C16orf87: variants seen among roughly 807,000 people sequenced by gnomAD.
C16orf87 encodes HDAC and MIER1 interacting protein 1.
In C16orf87, 13 loss-of-function variants were observed where a neutral mutation model predicts 21.0. That is an observed-to-expected ratio of 0.62 (90% CI 0.40 to 0.98). The LOEUF (loss-of-function observed/expected upper bound fraction) is 0.98. Among genes scored for constraint, C16orf87 ranks in the 50% least tolerant of loss-of-function variants. The pLI is 0.00. For synonymous variants in C16orf87, 49 were observed against 60.2 expected (o/e 0.81, Z 0.86); for missense variants, 113 against 180.4 (o/e 0.63, Z 2.14).
chr16:46,802,931 A>C lies in C16orf87; in HGVS notation c.*21T>G, dbSNP rs1336672144. ...CTGATGTTATCCTGACAGAAGTTTC[A>C]GCAGATTTTGCAAACAAGTATCAGA... On this transcript the variant is annotated 3_prime_UTR_variant, in exon 4 of 4. Coordinates refer to ENST00000285697, the MANE Select transcript of C16orf87 (RefSeq NM_001001436.4). The C allele has an allele frequency of 8.7e-7, 1 of 1,145,776 alleles. No individual in the cohort carries two copies. The highest frequency in any genetic ancestry group is 1.5e-5 in the African/African-American group (1 of 65,598). 71.0% of individuals were successfully genotyped at this position (1,145,776 alleles called of 1,614,324 possible). A position where few individuals can be genotyped will look rare whatever the true frequency, so the allele number is the denominator to read the frequency against.
chr16:46,809,796 G>T lies in C16orf87; in HGVS notation c.164-11C>A. Reference sequence around the variant, plus strand: ...CCTCATGCTTGTTTTCTGTATGGATGAATAAAAGTGATATATTTTAGGGCT... The same window carrying T: ...CCTCATGCTTGTTTTCTGTATGGATTAATAAAAGTGATATATTTTAGGGCT... On this transcript the variant is annotated splice_polypyrimidine_tract_variant and intron_variant, in intron 2 of 3. Coordinates refer to ENST00000285697, the MANE Select transcript of C16orf87 (RefSeq NM_001001436.4). The T allele has an allele frequency of 3.8e-6, 6 of 1,560,800 alleles. No homozygotes were observed. Among genetic ancestry groups the T allele is most frequent in the Non-Finnish European group, 4.4e-6 (5 of 1,141,538 alleles).
chr16:46,826,180 T>TA (rs1959611993), intron 1 of C16orf87, among the ~76,000 whole-genome samples: 1 of 152,182 alleles, frequency 6.6e-6, no homozygotes, highest in Non-Finnish European at 1.5e-5. Context: ...ACTCCAAACT[T>TA]ATAACTGTTT....
Position 46,831,126 on chromosome 16 carries a change from T to A in C16orf87, c.24A>T (p.Lys8Asn). MSATRAKKVKMATKSCPE... is the reference protein window; with the variant it reads MSATRAKNVKMATKSCPE... ...GGCATGATTTGGTGGCCATCTTCACTTTCTTGGCTCGAGTTGCAGACATGC... is the reference window on the plus strand; with the variant it reads ...GGCATGATTTGGTGGCCATCTTCACATTCTTGGCTCGAGTTGCAGACATGC... Residue 8 changes from lysine (K) to asparagine (N), a missense_variant, in exon 1 of 4, where the codon AAA becomes AAT. Physicochemically the swap from Lys to Asn is moderately conservative, Grantham distance 94. Transcript: ENST00000285697. The A allele has an allele frequency of 6.3e-7, 1 of 1,579,456 alleles. No homozygotes were observed. The highest frequency in any genetic ancestry group is 8.6e-7 in the Non-Finnish European group (1 of 1,161,318).
Position 46,803,047 on chromosome 16 carries a change from T to C in C16orf87, c.370A>G (p.Ile124Val). ...TTTTCATCAGACAGGTTAGCATAGATGTCAATTTCCTTTTCCTGTTTCTCT... is the reference window on the plus strand; with the variant it reads ...TTTTCATCAGACAGGTTAGCATAGACGTCAATTTCCTTTTCCTGTTTCTCT... ...EREKQEKEID[I>V]YANLSDEKAF... is the part of the protein sequence containing the mutation. The change falls in exon 4 of 4, where the codon ATC (isoleucine) becomes GTC (valine). Residue 124 changes from isoleucine to valine, a missense_variant. Physicochemically the swap from Ile to Val is conservative, Grantham distance 29. Coordinates refer to ENST00000285697, the MANE Select transcript of C16orf87 (RefSeq NM_001001436.4). The C allele has an allele frequency of 1.9e-6, 3 of 1,588,644 alleles. No homozygotes were observed. The highest frequency in any genetic ancestry group is 2.6e-6 in the Non-Finnish European group (3 of 1,161,674).
rs1274399019 is a variant in C16orf87 at position 46,802,484 on chromosome 16, A to G, written c.*468T>C. On this transcript the variant is annotated 3_prime_UTR_variant, in exon 4 of 4. Coordinates refer to ENST00000285697, the MANE Select transcript of C16orf87 (RefSeq NM_001001436.4). ...ATCGATTGCCAATTTAATAAAAGTA[A>G]ATGAACTGTATATATGCAATCTGTT... The G allele has an allele frequency of 6.6e-6, 1 of 152,660 alleles. No homozygotes were observed. The highest frequency in any genetic ancestry group is 1.5e-5 in the Non-Finnish European group (1 of 68,062). 9.5% of individuals were successfully genotyped at this position (152,660 alleles called of 1,614,324 possible).
At chr16:46,814,061 G>C (rs1968173900) in intron 2 of C16orf87, among the ~76,000 whole-genome samples, 1 of 152,070 alleles carries the variant, frequency 6.6e-6, no homozygotes, top group Admixed American at 6.5e-5. Context: ...AGAGGGGAAG[G>C]AGAAAAAGGA....
chr16:46,807,284 T>G (rs1329074787), intron 3 of C16orf87, among the ~76,000 whole-genome samples: 2 of 151,564 alleles, frequency 1.3e-5, no homozygotes, highest in Non-Finnish European at 2.9e-5. Flanking sequence ...ATACTAAAAG[T>G]AAAAAAAGTA....
chr16:46,816,734 C>T (rs1215980592), intron 2 of C16orf87, among the ~76,000 whole-genome samples: 1 of 152,196 alleles, frequency 6.6e-6, no homozygotes, highest in Non-Finnish European at 1.5e-5. Context: ...AATAGGTATA[C>T]ATTCTCAAGA....
chr16:46,807,636 C>T (rs1967969130), intron 3 of C16orf87, among the ~76,000 whole-genome samples: 1 of 152,114 alleles, frequency 6.6e-6, no homozygotes, highest in African/African-American at 2.4e-5. Flanking sequence ...AGAACATTTA[C>T]TATCTGGCTC....
chr16:46,814,068 A>G (rs1409447414), intron 2 of C16orf87, among the ~76,000 whole-genome samples: 1 of 152,218 alleles, frequency 6.6e-6, no homozygotes, highest in Non-Finnish European at 1.5e-5. Flanking sequence ...AAGGAGAAAA[A>G]GGAAAATATA....
At chr16:46,818,248 C>T (rs1343775973) in intron 2 of C16orf87, among the ~76,000 whole-genome samples, 1 of 152,130 alleles carries the variant, frequency 6.6e-6, no homozygotes, top group African/African-American at 2.4e-5. Flanking sequence ...AGTTGAGGAC[C>T]ACTTATACTA....
intron 1 of C16orf87, among the ~76,000 whole-genome samples, chr16:46,828,362 A>T (rs1353895097): frequency 6.6e-6 from 1 of 152,070 alleles, no homozygotes; most frequent in African/African-American, 2.4e-5. Context: ...CCTTTAAATT[A>T]AAAAAAAGCT....
At chr16:46,821,282 G>A (rs2143142377) in intron 2 of C16orf87, among the ~76,000 whole-genome samples, 1 of 152,280 alleles carries the variant, frequency 6.6e-6, no homozygotes, top group South Asian at 2.1e-4. Context: ...GGTTAACTAG[G>A]CTGCTTAGAA....
intron 3 of C16orf87, among the ~76,000 whole-genome samples, chr16:46,804,337 T>C (rs1022315982): frequency 6.6e-6 from 1 of 152,224 alleles, no homozygotes; most frequent in Admixed American, 6.5e-5. Flanking sequence ...TGGACCCACC[T>C]TTGTCTTGAA....
chr16:46,811,317 A>G (rs1373012793), intron 2 of C16orf87, among the ~76,000 whole-genome samples: 1 of 152,106 alleles, frequency 6.6e-6, no homozygotes, highest in Non-Finnish European at 1.5e-5. Context: ...CAGCCTGACC[A>G]ACATGGCAAA....
chr16:46,798,280 G>C lies in C16orf87; in HGVS notation c.*4672C>G, dbSNP rs1411156343. 1 of 152,296 alleles carries C rather than the reference G, an allele frequency of 6.6e-6. No homozygotes were observed. The highest frequency in any genetic ancestry group is 1.5e-5 in the Non-Finnish European group (1 of 68,088). The allele number at this position is 152,296 out of a possible 1,614,324, so 9.4% of individuals were successfully genotyped here. On this transcript the variant is annotated 3_prime_UTR_variant, in exon 4 of 4. Transcript: ENST00000285697. ...ACGGTGGCTCATGCCTGTAAAGGCG[G>C]GTGGATCACCGGAGCTCAGGAGTTC...
chr16:46,804,471 T>A (rs889084118), intron 3 of C16orf87, among the ~76,000 whole-genome samples: 2 of 152,268 alleles, frequency 1.3e-5, no homozygotes, highest in Non-Finnish European at 2.9e-5. Flanking sequence ...ATATCTTTAG[T>A]CTACCTTCAC....
intron 1 of C16orf87, among the ~76,000 whole-genome samples, chr16:46,828,416 CAA>C (rs1959708196): frequency 6.6e-6 from 1 of 151,876 alleles, no homozygotes; most frequent in Non-Finnish European, 1.5e-5. Context: ...GAAGCATACA[CAA>C]AAGATACCAG....
chr16:46,817,073 T>C (rs924599754), intron 2 of C16orf87, among the ~76,000 whole-genome samples: 2 of 152,068 alleles, frequency 1.3e-5, no homozygotes, highest in Non-Finnish European at 1.5e-5. Context: ...TCCAAGACAG[T>C]GTAAAAGGCA....
Sources: gnomAD v4.1 joint callset for allele counts (sites outside exome capture counted in the v4.1 genomes callset) on GRCh38, gnomAD v4.1.1 for gene constraint, MANE v1.5 for transcripts, NCBI Gene and HGNC (gene_info 2026-07-23, HGNC 2026-07-21) for gene names.